Variants in DOCK1 observed in about 807,000 individuals in gnomAD.
The protein encoded by DOCK1 is dedicator of cytokinesis protein 1.
In DOCK1, 138 loss-of-function variants were observed where a neutral mutation model predicts 262.7. The ratio of observed to expected loss-of-function variants is 0.53; its 90% CI spans 0.46 to 0.61. The LOEUF (loss-of-function observed/expected upper bound fraction) is 0.61, where lower values mean the gene tolerates loss of function less well. Ranked by LOEUF, DOCK1 falls within the 20% of genes least tolerant of loss-of-function variation. The probability of loss-of-function intolerance (pLI) is 0.00; values close to 1 mark genes in which losing one functional copy is unlikely to be tolerated. For missense variants in DOCK1, 1,908 were observed against 2,370.7 expected (o/e 0.80, Z 4.05); for synonymous variants, 866 against 867.4 (o/e 1.00, Z 0.03).
At chr10:127,208,426 G>A (rs748008931) in intron 27 of DOCK1, among the ~76,000 whole-genome samples, 4 of 152,150 alleles carry the variant, frequency 2.6e-5, no homozygotes, top group Non-Finnish European at 5.9e-5. Context: ...TAATACTGGA[G>A]CTATTATGAT....
intron 29 of DOCK1, among the ~76,000 whole-genome samples, chr10:127,332,292 G>C (rs1371697639): frequency 1.3e-5 from 2 of 152,222 alleles, no homozygotes; most frequent in Non-Finnish European, 2.9e-5. Flanking sequence ...GGGCTGACCA[G>C]AAGAAAGGTC....
At chr10:127,064,883 A>G (rs540229418) in intron 23 of DOCK1, among the ~76,000 whole-genome samples, 1 of 152,328 alleles carries the variant, frequency 6.6e-6, no homozygotes, top group African/African-American at 2.4e-5. Context: ...ATGGAACTCC[A>G]GCCCCATCAA....
chr10:127,125,422 A>G, intron 25 of DOCK1, 52 bp from the exon 26 acceptor site: 1 of 1,605,564 alleles, frequency 6.2e-7, no homozygotes, highest in African/African-American at 1.3e-5. Context: ...AGCAAACACG[A>G]GTTGCGTCTT....
intron 1 of DOCK1, among the ~76,000 whole-genome samples, chr10:126,917,727 C>T (rs2134068899): frequency 6.6e-6 from 1 of 152,212 alleles, no homozygotes; most frequent in Non-Finnish European, 1.5e-5. Flanking sequence ...TGAGAATGGT[C>T]TTGAGTCCTT....
chr10:126,998,295 T>C (rs138703064), intron 8 of DOCK1, 46 bp downstream of exon 8: 7 of 1,610,334 alleles, frequency 4.3e-6, no homozygotes, highest in Non-Finnish European at 5.9e-6. Flanking sequence ...TGGTTAGTGT[T>C]AGGAACTTGG....
At chr10:127,394,723 A>T (rs7894462) in intron 38 of DOCK1, among the ~76,000 whole-genome samples, 1 of 151,940 alleles carries the variant, frequency 6.6e-6, no homozygotes. Flanking sequence ...AGTAACAACA[A>T]TGCTCCCTTA....
chr10:127,148,150 G>T (rs1336164658), intron 27 of DOCK1, among the ~76,000 whole-genome samples: 1 of 151,790 alleles, frequency 6.6e-6, no homozygotes, highest in Non-Finnish European at 1.5e-5. Context: ...CCTCTCTGAT[G>T]TCAGACAAGT....
At chr10:127,286,872 T>A (rs975061881) in intron 29 of DOCK1, among the ~76,000 whole-genome samples, 2 of 151,982 alleles carry the variant, frequency 1.3e-5, no homozygotes, top group Non-Finnish European at 2.9e-5. Context: ...TTTTCTTTTT[T>A]TTTTTCTTTT....
At chr10:127,279,375 A>C (rs1044865735) in intron 29 of DOCK1, among the ~76,000 whole-genome samples, 3 of 152,236 alleles carry the variant, frequency 2.0e-5, no homozygotes, top group African/African-American at 7.2e-5. Context: ...GCTGAAGGCA[A>C]TACTGATTTA....
chr10:127,000,590 A>C (rs1344246745), intron 10 of DOCK1: 7 of 343,870 alleles, frequency 2.0e-5, no homozygotes, highest in Middle Eastern at 8.7e-4. Flanking sequence ...CTCAGTCTGT[A>C]GGGAAGCCAG....
chr10:126,925,771 C>T (rs1323005731), intron 1 of DOCK1, among the ~76,000 whole-genome samples: 6 of 136,814 alleles, frequency 4.4e-5, no homozygotes, highest in Non-Finnish European at 9.4e-5. Flanking sequence ...TGTGTGTGTG[C>T]GCCTAGGTGC....
rs918084073 is a variant in DOCK1, at chr10:126,930,042, T to C, written c.46+24479T>C. Among the ~76,000 whole-genome samples, 3 of 152,330 alleles carry C rather than the reference T, an allele frequency of 2.0e-5. No individual in the cohort carries two copies. The South Asian group carries it at 6.2e-4, about 32-fold the overall frequency. ...CTCTGGATTTATCTGTCCTGGTTAGTTCATAAAAATGCAGATCCCACGTGT... is the reference window on the plus strand; with the variant it reads ...CTCTGGATTTATCTGTCCTGGTTAGCTCATAAAAATGCAGATCCCACGTGT... On this transcript the variant is annotated intron_variant, in intron 1 of 51. Transcript: ENST00000623213.
chr10:126,967,407 T>C (rs1477327312), intron 1 of DOCK1, among the ~76,000 whole-genome samples: 10 of 152,316 alleles, frequency 6.6e-5, no homozygotes, highest in African/African-American at 2.4e-4. Flanking sequence ...AGCCCTGGAC[T>C]TGTCTGGGTT....
intron 29 of DOCK1, among the ~76,000 whole-genome samples, chr10:127,279,622 T>C (rs1429554383): frequency 6.6e-6 from 1 of 152,212 alleles, no homozygotes; most frequent in African/African-American, 2.4e-5. Context: ...AGAAACATGT[T>C]ACTGTTCTCT....
At chr10:127,032,650 C>T (rs565111159) in intron 18 of DOCK1, among the ~76,000 whole-genome samples, 135 of 152,282 alleles carry the variant, frequency 8.9e-4, no homozygotes, top group African/African-American at 3.1e-3. Context: ...TCCTCCTAGG[C>T]TCAGGCGATC....
intron 28 of DOCK1, among the ~76,000 whole-genome samples, chr10:127,249,864 G>GAA (rs1464107343): frequency 6.6e-6 from 1 of 152,208 alleles, no homozygotes; most frequent in Non-Finnish European, 1.5e-5. Flanking sequence ...AAGGGAACAA[G>GAA]AATATGTATA....
At chr10:127,091,251 G>A (rs2047515387) in intron 23 of DOCK1, among the ~76,000 whole-genome samples, 1 of 152,130 alleles carries the variant, frequency 6.6e-6, no homozygotes, top group African/African-American at 2.4e-5. Context: ...CCAAAGTGCT[G>A]GGATTACAGG....
chr10:126,970,888 C>A, intron 2 of DOCK1, 103 bp downstream of exon 2: 2 of 1,302,756 alleles, frequency 1.5e-6, no homozygotes, highest in Non-Finnish European at 2.1e-6. Context: ...ACACATAAGA[C>A]AGTCATGCTT....
At position 126,970,805 on chromosome 10, in the gene DOCK1, T is replaced by A. The variant is rs2134676439; in HGVS notation, c.130+20T>A. The stretch of plus-strand genomic sequence containing the variant: ...ATGAAGGTGCGTATGCATCTTGGTA[T>A]CTTTTCTCTTACATTTTGGGCAGAT... On this transcript the variant is annotated intron_variant, in intron 2 of 51. Transcript: ENST00000623213. 1 of 1,608,664 alleles carries A rather than the reference T, an allele frequency of 6.2e-7. No homozygotes were observed. Among genetic ancestry groups the A allele is most frequent in the African/African-American group, 1.3e-5 (1 of 74,998 alleles).
Sources: allele counts gnomAD v4.1 joint callset (sites outside exome capture counted in the v4.1 genomes callset), GRCh38; gene constraint gnomAD v4.1.1; transcripts MANE v1.5; gene names NCBI Gene and HGNC (gene_info 2026-07-23, HGNC 2026-07-21).